The following WNT11 variants were observed in gnomAD, a reference collection of about 807,000 sequenced individuals.
The protein encoded by WNT11 is protein Wnt-11.
A neutral mutation model predicts 35.6 loss-of-function variants in WNT11; 20 were observed. The observed-to-expected ratio is 0.56, with a 90% CI of 0.40 to 0.82. WNT11 has a LOEUF of 0.82. WNT11 is among the 40% of genes least tolerant of loss of function. The pLI, the probability that WNT11 is intolerant of heterozygous loss-of-function variation, is 0.00. For synonymous variants in WNT11, 200 were observed against 211.9 expected (o/e 0.94, Z 0.49); for missense variants, 459 against 504.4 (o/e 0.91, Z 0.86).
chr11:76,198,049 C>T (rs1309316855), intron 1 of WNT11, among the ~76,000 whole-genome samples: 7 of 152,210 alleles, frequency 4.6e-5, no homozygotes, highest in Admixed American at 3.3e-4. Context: ...GCGGTCCTCA[C>T]CCAGGGTCAG....
upstream of WNT11, chr11:76,210,649 T>G (rs1025124436): frequency 5.3e-5 from 52 of 985,084 alleles, no homozygotes; most frequent in Non-Finnish European, 5.8e-5. Flanking sequence ...TGCGGCCGGC[T>G]CAGGACCCGC....
At chr11:76,203,870 G>A (rs1246574501) in intron 1 of WNT11, among the ~76,000 whole-genome samples, 1 of 152,242 alleles carries the variant, frequency 6.6e-6, no homozygotes, top group East Asian at 1.9e-4. Flanking sequence ...GCTCCCAGCT[G>A]TGCTGGGGCT....
At chr11:76,207,701 C>T (rs1461547421), upstream of WNT11, among the ~76,000 whole-genome samples, 1 of 152,162 alleles carries the variant, frequency 6.6e-6, no homozygotes, top group African/African-American at 2.4e-5. Context: ...GCAGCCCCGC[C>T]TTAGCGAAGC....
chr11:76,201,896 C>A (rs79973890), intron 1 of WNT11, among the ~76,000 whole-genome samples: 2,232 of 152,280 alleles, frequency 0.015, 45 homozygotes, highest in African/African-American at 0.049. Context: ...AGGGGACCCG[C>A]CTGTGTAAGG....
intron 1 of WNT11, among the ~76,000 whole-genome samples, chr11:76,205,194 G>A (rs1455613536): frequency 6.6e-6 from 1 of 152,186 alleles, no homozygotes; most frequent in Non-Finnish European, 1.5e-5. Flanking sequence ...AGAAGGGGCA[G>A]GGCCAGTGAC....
At chr11:76,196,786 C>T (rs1326283010) in intron 1 of WNT11, 68 bp from the exon 2 acceptor site, 5 of 1,480,456 alleles carry the variant, frequency 3.4e-6, no homozygotes, top group Non-Finnish European at 4.6e-6. Context: ...ACATGGCCTC[C>T]ACCCGCCCTT....
At chr11:76,196,835 G>A in intron 1 of WNT11, 117 bp from the exon 2 acceptor site, 2 of 1,185,440 alleles carry the variant, frequency 1.7e-6, no homozygotes, top group East Asian at 2.6e-5. Context: ...TTGCCTCCTG[G>A]TTTCCTGGCT....
In WNT11 at chr11:76,186,846, A is replaced by G; in HGVS notation, c.*219T>C. ...GCCTCAGGCTGCCAAGTTATTTTTA[A>G]TCTTGTCGGTTTCCTTTGATGTCCT... On this transcript the variant is annotated 3_prime_UTR_variant, in exon 5 of 5. Transcript: ENST00000322563. 2.8e-6 allele frequency: 2 copies of G among 724,616 alleles called. No homozygotes were observed. Among genetic ancestry groups the G allele is most frequent in the Non-Finnish European group, 4.8e-6 (2 of 413,948 alleles). 44.9% of individuals were successfully genotyped at this position (724,616 alleles called of 1,614,324 possible).
Position 76,206,385 on chromosome 11 carries a change from C to A in WNT11, c.23G>T (p.Cys8Phe). The A allele has an allele frequency of 5.2e-6, 8 of 1,548,804 alleles. No individual in the cohort carries two copies. Among genetic ancestry groups the A allele is most frequent in the Non-Finnish European group, 6.9e-6 (8 of 1,153,434 alleles). The change falls in exon 1 of 5, where the codon TGC (cysteine) becomes TTC (phenylalanine). Residue 8 changes from cysteine to phenylalanine, a missense_variant. Transcript: ENST00000322563. ...CGCCAGGGCGAAGAGCAGCGCCTCG[C>A]AGACCTGCGGCCGCGCCCTCATCGT... MRARPQV[C>F]EALLFALALQ...
intron 1 of WNT11, among the ~76,000 whole-genome samples, chr11:76,203,089 G>A (rs1953408850): frequency 6.6e-6 from 1 of 152,230 alleles, no homozygotes; most frequent in Admixed American, 6.5e-5. Context: ...AACTCCCACT[G>A]TGCAAGTGGG....
chr11:76,188,630 T>C (rs1033889371), intron 4 of WNT11, among the ~76,000 whole-genome samples: 2 of 152,188 alleles, frequency 1.3e-5, no homozygotes, highest in African/African-American at 2.4e-5. Flanking sequence ...ATGTCCAAGA[T>C]GGGAAAGTCC....
At chr11:76,208,397 G>A (rs1953505956), upstream of WNT11, among the ~76,000 whole-genome samples, 1 of 152,206 alleles carries the variant, frequency 6.6e-6, no homozygotes, top group African/African-American at 2.4e-5. Flanking sequence ...AAGGCTGGGG[G>A]TCTCAGAGGG....
rs971519293 is a variant in WNT11 at position 76,186,384 on chromosome 11, G to C, written c.*681C>G. The C allele has an allele frequency of 3.3e-5, 5 of 152,044 alleles. No homozygotes were observed. The highest frequency in any genetic ancestry group is 1.5e-5 in the Non-Finnish European group (1 of 68,018). The allele number at this position is 152,044 out of a possible 1,614,324, so 9.4% of individuals were successfully genotyped here. On this transcript the variant is annotated 3_prime_UTR_variant, in exon 5 of 5. Coordinates refer to ENST00000322563, the MANE Select transcript of WNT11 (RefSeq NM_004626.3). Reference sequence around the variant, plus strand: ...CCAGGGTCTGCCGAGTTCACTTGACGAGGCCGGGAACTGCAGGGGCGGGCT... The same window carrying C: ...CCAGGGTCTGCCGAGTTCACTTGACCAGGCCGGGAACTGCAGGGGCGGGCT...
chr11:76,189,569 T>A (rs1294705271), intron 4 of WNT11, among the ~76,000 whole-genome samples: 2 of 152,168 alleles, frequency 1.3e-5, no homozygotes, highest in Admixed American at 1.3e-4. Flanking sequence ...CCTCTAGAGA[T>A]ACCCCGCATG....
chr11:76,210,745 C>T (rs1953561521), upstream of WNT11: 1 of 911,480 alleles, frequency 1.1e-6, no homozygotes, highest in Non-Finnish European at 1.3e-6. Flanking sequence ...CTCTCCTCCT[C>T]GCCTGGCGCG....
At chr11:76,193,997 G>A (rs1312997768) in intron 3 of WNT11, among the ~76,000 whole-genome samples, 7 of 152,094 alleles carry the variant, frequency 4.6e-5, no homozygotes, top group Admixed American at 4.6e-4. Flanking sequence ...CAGTCTTTTG[G>A]GCAGTGAGGT....
At chr11:76,199,154 T>TTAAAA (rs1170141907) in intron 1 of WNT11, among the ~76,000 whole-genome samples, 3 of 151,644 alleles carry the variant, frequency 2.0e-5, no homozygotes, top group Middle Eastern at 3.4e-3. Context: ...ATAAAATAAA[T>TTAAAA]TAAAATAAAA....
intron 1 of WNT11, among the ~76,000 whole-genome samples, chr11:76,196,937 T>C (rs1394285062): frequency 1.3e-5 from 2 of 152,246 alleles, no homozygotes; most frequent in African/African-American, 4.8e-5. Flanking sequence ...CGTCCCTCTC[T>C]GGGCCTCAGG....
At chr11:76,206,601 G>T, upstream of WNT11, 1 of 1,146,442 alleles carries the variant, frequency 8.7e-7, no homozygotes, top group Non-Finnish European at 1.1e-6. Flanking sequence ...GGGAGGCCGA[G>T]CGCGGCGGGC....
Sources: gnomAD v4.1 joint callset for allele counts (sites outside exome capture counted in the v4.1 genomes callset) on GRCh38, gnomAD v4.1.1 for gene constraint, MANE v1.5 for transcripts, NCBI Gene and HGNC (gene_info 2026-07-23, HGNC 2026-07-21) for gene names.